The following MECOM variants were observed in gnomAD, a reference collection of about 807,000 sequenced individuals.
MECOM encodes histone-lysine N-methyltransferase MECOM.
MECOM carries 13 observed loss-of-function variants against 116.3 expected under a neutral mutation model. The ratio of observed to expected loss-of-function variants is 0.11; its 90% CI spans 0.07 to 0.18. MECOM has a LOEUF of 0.18. MECOM is among the 10% of genes least tolerant of loss of function. The pLI is 1.00. For missense variants in MECOM, 1,299 were observed against 1,509.0 expected (o/e 0.86, Z 2.31); for synonymous variants, 528 against 535.2 (o/e 0.99, Z 0.19).
chr3:169,216,366 A>G (rs1293845759), intron 2 of MECOM, among the ~76,000 whole-genome samples: 1 of 152,204 alleles, frequency 6.6e-6, no homozygotes, highest in South Asian at 2.1e-4. Flanking sequence ...CCTATGGGAT[A>G]GAAATAAGTT....
intron 2 of MECOM, among the ~76,000 whole-genome samples, chr3:169,338,366 T>C (rs1723923995): frequency 1.3e-5 from 2 of 152,130 alleles, no homozygotes; most frequent in South Asian, 2.1e-4. Context: ...AACTGCCTGT[T>C]TGCTTGTAGG....
intron 1 of MECOM, among the ~76,000 whole-genome samples, chr3:169,449,484 T>C (rs1745191518): frequency 6.6e-6 from 1 of 152,192 alleles, no homozygotes; most frequent in South Asian, 2.1e-4. Flanking sequence ...GGGCAAGCCA[T>C]TTATCATCAG....
intron 2 of MECOM, among the ~76,000 whole-genome samples, chr3:169,226,282 T>C (rs1752715413): frequency 6.6e-6 from 1 of 152,056 alleles, no homozygotes; most frequent in Non-Finnish European, 1.5e-5. Context: ...ATCACCTGAA[T>C]AAAAAAAGAA....
intron 2 of MECOM, among the ~76,000 whole-genome samples, chr3:169,206,752 T>TAAAA (rs71634427): frequency 1.4e-4 from 18 of 128,026 alleles, no homozygotes; most frequent in African/African-American, 3.2e-4. Context: ...GACTTCCTCT[T>TAAAA]AAAAAAAAAA....
At chr3:169,222,082 G>A (rs1752206245) in intron 2 of MECOM, among the ~76,000 whole-genome samples, 1 of 152,180 alleles carries the variant, frequency 6.6e-6, no homozygotes, top group Non-Finnish European at 1.5e-5. Flanking sequence ...ATAGCCACAT[G>A]TGGCTAGAGG....
intron 1 of MECOM, among the ~76,000 whole-genome samples, chr3:169,416,798 C>T (rs769050283): frequency 4.7e-4 from 72 of 152,066 alleles, no homozygotes; most frequent in Middle Eastern, 3.4e-3. Context: ...TCAGAAATAA[C>T]GCCGCATATC....
At chr3:169,225,178 A>C (rs1329412038) in intron 2 of MECOM, among the ~76,000 whole-genome samples, 1 of 152,262 alleles carries the variant, frequency 6.6e-6, no homozygotes, top group African/African-American at 2.4e-5. Context: ...CATAAGATCT[A>C]CTTAACTATG....
intron 2 of MECOM, among the ~76,000 whole-genome samples, chr3:169,319,663 T>C (rs1323524034): frequency 6.6e-6 from 1 of 152,086 alleles, no homozygotes; most frequent in Non-Finnish European, 1.5e-5. Context: ...AATGGAAAAA[T>C]AACAGAGTTT....
rs201708788 is a variant in MECOM, at chr3:169,416,601, T to TA, written c.38-35078dup. 6.6e-4 allele frequency among the ~76,000 whole-genome samples: 99 copies of TA among 150,772 alleles called. No homozygotes were observed. The East Asian group carries it at 0.018, about 28-fold the overall frequency. ...AATGAATCCAGGAGCTGTTTTTTTT[T>TA]AAAAAAGGATGAACAAAATCAATAG... On this transcript the variant is annotated intron_variant, in intron 1 of 16. Coordinates refer to ENST00000651503, the MANE Select transcript of MECOM (RefSeq NM_004991.4).
At chr3:169,493,826 G>A (rs980102770) in intron 1 of MECOM, among the ~76,000 whole-genome samples, 2 of 152,116 alleles carry the variant, frequency 1.3e-5, no homozygotes, top group East Asian at 3.9e-4. Context: ...TAAAGGGCAG[G>A]AGAGTCTCCT....
At chr3:169,511,326 G>A (rs920363830) in intron 1 of MECOM, among the ~76,000 whole-genome samples, 1 of 152,158 alleles carries the variant, frequency 6.6e-6, no homozygotes, top group African/African-American at 2.4e-5. Flanking sequence ...TTTACAAATG[G>A]GAAGACAGTG....
chr3:169,419,436 A>G (rs1739319902), intron 1 of MECOM, among the ~76,000 whole-genome samples: 1 of 152,212 alleles, frequency 6.6e-6, no homozygotes, highest in South Asian at 2.1e-4. Context: ...CATATAGCCA[A>G]GACCATCCTA....
At chr3:169,433,639 G>GA (rs1553851603) in intron 1 of MECOM, among the ~76,000 whole-genome samples, 1 of 126,952 alleles carries the variant, frequency 7.9e-6, no homozygotes, top group Non-Finnish European at 1.6e-5. Flanking sequence ...GAAAGAGAAA[G>GA]AGAAAGAAAG....
intron 2 of MECOM, among the ~76,000 whole-genome samples, chr3:169,291,657 G>GT (rs1218161454): frequency 2.0e-5 from 3 of 152,190 alleles, no homozygotes; most frequent in Non-Finnish European, 2.9e-5. Flanking sequence ...TATAGTCATT[G>GT]TTATAGCATC....
chr3:169,128,115 C>G (rs1211278340), intron 4 of MECOM, 55 bp from the exon 5 acceptor site: 14 of 1,530,172 alleles, frequency 9.1e-6, no homozygotes, highest in Non-Finnish European at 1.3e-5. Flanking sequence ...CCATCACAAA[C>G]CAGCCAATCT....
At chr3:169,162,530 A>C (rs1426833110) in intron 2 of MECOM, among the ~76,000 whole-genome samples, 1 of 152,198 alleles carries the variant, frequency 6.6e-6, no homozygotes, top group East Asian at 1.9e-4. Flanking sequence ...TGTCATTCAA[A>C]AGATAGGCAA....
intron 2 of MECOM, among the ~76,000 whole-genome samples, chr3:169,352,243 A>C (rs1456352891): frequency 6.6e-6 from 1 of 151,956 alleles, no homozygotes; most frequent in Non-Finnish European, 1.5e-5. Context: ...TTCTAATAGA[A>C]GATCACTGAG....
At chr3:169,528,067 G>A (rs536179598) in intron 1 of MECOM, among the ~76,000 whole-genome samples, 1 of 152,304 alleles carries the variant, frequency 6.6e-6, no homozygotes, top group South Asian at 2.1e-4. Flanking sequence ...ACTGCCTCAT[G>A]GGAACAGACT....
intron 1 of MECOM, among the ~76,000 whole-genome samples, chr3:169,477,476 T>C (rs1398401040): frequency 2.0e-5 from 3 of 152,132 alleles, no homozygotes; most frequent in East Asian, 1.9e-4. Flanking sequence ...AAGATTGTTA[T>C]AGGCTGCAGG....
Sources: allele counts gnomAD v4.1 joint callset (sites outside exome capture counted in the v4.1 genomes callset), GRCh38; gene constraint gnomAD v4.1.1; transcripts MANE v1.5; gene names NCBI Gene and HGNC (gene_info 2026-07-23, HGNC 2026-07-21).